The following KLF7 variants were observed in gnomAD, a reference collection of about 807,000 sequenced individuals.
The protein encoded by KLF7 is KLF transcription factor 7.
KLF7 carries 2 observed loss-of-function variants against 27.3 expected under a neutral mutation model. The ratio of observed to expected loss-of-function variants is 0.07; its 90% confidence interval spans 0.03 to 0.23. The LOEUF (loss-of-function observed/expected upper bound fraction) is 0.23, where lower values mean the gene tolerates loss of function less well. Among genes scored for constraint, KLF7 ranks in the 10% least tolerant of loss-of-function variants. The pLI, the probability that KLF7 is intolerant of heterozygous loss-of-function variation, is 1.00. For missense variants in KLF7, 221 were observed against 394.1 expected (o/e 0.56, Z 3.72); for synonymous variants, 165 against 162.4 (o/e 1.02, Z -0.12).
At chr2:207,139,326 G>A (rs1455482621) in intron 1 of KLF7, among the ~76,000 whole-genome samples, 1 of 152,130 alleles carries the variant, frequency 6.6e-6, no homozygotes, top group Admixed American at 6.5e-5. Flanking sequence ...TTGTAACCTT[G>A]GAGTCCCCCT....
intron 2 of KLF7, among the ~76,000 whole-genome samples, chr2:207,113,453 T>C (rs901405222): frequency 6.6e-6 from 1 of 152,150 alleles, no homozygotes; most frequent in Non-Finnish European, 1.5e-5. Flanking sequence ...GCTCCATTAA[T>C]TGCCAGCATA....
chr2:207,148,744 T>C (rs956252769), intron 1 of KLF7, among the ~76,000 whole-genome samples: 1 of 152,212 alleles, frequency 6.6e-6, no homozygotes. Context: ...ATAGGGTCTA[T>C]ACTTTCTATG....
In KLF7 at chr2:207,074,849, C is replaced by T. The variant is rs1421530320; in HGVS notation, c.*6364G>A. On this transcript the variant is annotated 3_prime_UTR_variant, in exon 4 of 4. Coordinates refer to ENST00000309446, the MANE Select transcript of KLF7 (RefSeq NM_003709.4). ...TCTCCAACAATTGGCTCCCTTTTTC[C>T]CCTTGAAGAAATAAACTCAGTGACC... 2 of 152,112 alleles carry T rather than the reference C, an allele frequency of 1.3e-5. No individual in the cohort carries two copies. The highest frequency in any genetic ancestry group is 2.9e-5 in the Non-Finnish European group (2 of 68,022). 9.4% of individuals were successfully genotyped at this position (152,112 alleles called of 1,614,324 possible).
At chr2:207,100,406 A>AAC (rs2076738922) in intron 2 of KLF7, among the ~76,000 whole-genome samples, 1 of 152,204 alleles carries the variant, frequency 6.6e-6, no homozygotes, top group African/African-American at 2.4e-5. Flanking sequence ...GTCTAAGAGT[A>AAC]ACCCCAAAAG....
intron 1 of KLF7, among the ~76,000 whole-genome samples, chr2:207,164,883 C>G (rs1014348877): frequency 6.6e-6 from 1 of 152,152 alleles, no homozygotes; most frequent in Non-Finnish European, 1.5e-5. Flanking sequence ...CCTTGAGTAT[C>G]TTTTGTCAGT....
chr2:207,149,439 C>CT (rs1261283079), intron 1 of KLF7, among the ~76,000 whole-genome samples: 1 of 152,228 alleles, frequency 6.6e-6, no homozygotes, highest in African/African-American at 2.4e-5. Context: ...CAAGAAATCT[C>CT]TGATGATCCA....
chr2:207,111,233 AC>A (rs995121934), intron 2 of KLF7, among the ~76,000 whole-genome samples: 21 of 152,030 alleles, frequency 1.4e-4, no homozygotes, highest in African/African-American at 4.8e-4. Flanking sequence ...ATGTCCCGAT[AC>A]CCTCCTTGAA....
upstream of KLF7, among the ~76,000 whole-genome samples, chr2:207,169,421 G>C (rs373637297): frequency 2.0e-5 from 3 of 152,106 alleles, no homozygotes; most frequent in Admixed American, 2.0e-4. Flanking sequence ...AGTGTGATTA[G>C]TACTCCTCAA....
At chr2:207,082,161 C>G (rs1263597) in intron 3 of KLF7, among the ~76,000 whole-genome samples, 128,528 of 152,200 alleles carry the variant, frequency 0.84, 54,997 homozygotes, top group African/African-American at 0.93. Flanking sequence ...CTCTTGGGTA[C>G]CAACCCTTCT....
rs1451810105 is a variant in KLF7, at chr2:207,165,862, A to G, written c.-294T>C. ...TCCACGGGAGTAACAATTCCCTTCC[A>G]GGGCTCTAATCACTCCAGCTCGTGG... On this transcript the variant is annotated 5_prime_UTR_variant, in exon 1 of 4. Transcript: ENST00000309446. 1.3e-5 allele frequency: 17 copies of G among 1,267,412 alleles called. No individual in the cohort carries two copies. In the East Asian group the frequency reaches 4.4e-4, roughly 33 times the overall value. The allele number at this position is 1,267,412 out of a possible 1,614,324, so 78.5% of individuals were successfully genotyped here. A position where few individuals can be genotyped will look rare whatever the true frequency, so the allele number is the denominator to read the frequency against.
At chr2:207,135,644 C>G (rs1025937314) in intron 1 of KLF7, among the ~76,000 whole-genome samples, 1 of 152,166 alleles carries the variant, frequency 6.6e-6, no homozygotes, top group Non-Finnish European at 1.5e-5. Flanking sequence ...TGATCACAAT[C>G]CTGGGTAGGA....
chr2:207,085,599 A>C (rs2076369230), intron 3 of KLF7, among the ~76,000 whole-genome samples: 1 of 152,184 alleles, frequency 6.6e-6, no homozygotes, highest in African/African-American at 2.4e-5. Flanking sequence ...GAAGTCACAA[A>C]ACCCAGTGTC....
At chr2:207,108,087 G>A (rs1215990887) in intron 2 of KLF7, among the ~76,000 whole-genome samples, 1 of 152,258 alleles carries the variant, frequency 6.6e-6, no homozygotes, top group Non-Finnish European at 1.5e-5. Flanking sequence ...AATGACAGGA[G>A]TGGGAAGGAT....
chr2:207,137,555 C>T (rs74886467), intron 1 of KLF7, among the ~76,000 whole-genome samples: 11,534 of 152,166 alleles, frequency 0.076, 767 homozygotes, highest in African/African-American at 0.17. Flanking sequence ...ACAGAACCCT[C>T]GAACACTGAA....
chr2:207,144,170 A>AAT (rs1559158474), intron 1 of KLF7, among the ~76,000 whole-genome samples: 1 of 124,826 alleles, frequency 8.0e-6, no homozygotes, highest in Non-Finnish European at 1.7e-5. Context: ...GGGGGGGAGA[A>AAT]AAAAAAAAAA....
intron 1 of KLF7, chr2:207,149,125 C>A: frequency 7.8e-7 from 1 of 1,285,256 alleles, no homozygotes. Flanking sequence ...CCCAGTCCCA[C>A]CCAGTCATGT....
intron 1 of KLF7, among the ~76,000 whole-genome samples, chr2:207,128,501 C>A (rs1175623006): frequency 6.6e-6 from 1 of 152,132 alleles, no homozygotes; most frequent in Non-Finnish European, 1.5e-5. Context: ...TGATGAGAAA[C>A]AAGGTATCTG....
At chr2:207,095,284 G>C (rs1038703197) in intron 2 of KLF7, among the ~76,000 whole-genome samples, 1 of 151,948 alleles carries the variant, frequency 6.6e-6, no homozygotes, top group African/African-American at 2.4e-5. Flanking sequence ...TCCTGACCTC[G>C]TGATCCGCCC....
intron 1 of KLF7, among the ~76,000 whole-genome samples, chr2:207,125,071 A>G (rs2077444176): frequency 1.3e-5 from 2 of 152,220 alleles, no homozygotes; most frequent in African/African-American, 2.4e-5. Context: ...ATACAATGCT[A>G]TATTACTTTG....
Sources: allele counts gnomAD v4.1 joint callset (sites outside exome capture counted in the v4.1 genomes callset), GRCh38; gene constraint gnomAD v4.1.1; transcripts MANE v1.5; gene names NCBI Gene and HGNC (gene_info 2026-07-23, HGNC 2026-07-21).